Variants in MRC2 observed in about 807,000 individuals in gnomAD.
The protein encoded by MRC2 is mannose receptor C-type 2.
MRC2 carries 84 observed loss-of-function variants against 206.2 expected under a neutral mutation model. That is an observed-to-expected ratio of 0.41 (90% CI 0.34 to 0.49). The LOEUF is 0.49. MRC2 is among the 20% of genes least tolerant of loss of function. The probability of loss-of-function intolerance (pLI) is 0.31; values close to 1 mark genes in which losing one functional copy is unlikely to be tolerated. For missense variants in MRC2, 1,676 were observed against 2,001.5 expected, an observed-to-expected ratio of 0.84 and a Z score of 3.10; for synonymous variants, 798 against 800.0, an observed-to-expected ratio of 1.00 and a Z score of 0.04.
At chr17:62,630,584 A>G (rs1206870893) in intron 1 of MRC2, among the ~76,000 whole-genome samples, 2 of 152,170 alleles carry the variant, frequency 1.3e-5, no homozygotes, top group Non-Finnish European at 2.9e-5. Context: ...GGAGGCCAGA[A>G]TGGGGATGGG....
chr17:62,645,521 ATATATATTTTTTTTTTT>A lies in MRC2; in HGVS notation c.118+17603_118+17619del, dbSNP rs1201384310. 1.2e-3 allele frequency among the ~76,000 whole-genome samples: 54 copies of A among 45,552 alleles called. 1 individual carries two copies. The highest frequency in any genetic ancestry group is 0.017 in the Middle Eastern group (1 of 60). The allele number at this position is 45,552 out of a possible 152,430, so 29.9% of individuals were successfully genotyped here. On this transcript the variant is annotated intron_variant, in intron 1 of 29. Transcript: ENST00000303375. ...ATTATATATATATATATATATATAT[ATATATATTTTTTTTTTT>A]TTTTTTTTTTTTTGAGATGGAGTCT...
rs2084179520 is a variant in MRC2, at chr17:62,627,754, G to A, written c.-49G>A. On this transcript the variant is annotated 5_prime_UTR_variant, in exon 1 of 30. Coordinates refer to ENST00000303375, the MANE Select transcript of MRC2 (RefSeq NM_006039.5). Reference sequence around the variant, plus strand: ...AGCCTCGGGGCTGCCACAGCGCGTTGCGCCTGTGCGCCCTCGGTCCCCGCG... The same window carrying A: ...AGCCTCGGGGCTGCCACAGCGCGTTACGCCTGTGCGCCCTCGGTCCCCGCG... The A allele has an allele frequency of 7.5e-6, 10 of 1,324,720 alleles. No homozygotes were observed. Among genetic ancestry groups the A allele is most frequent in the African/African-American group, 1.6e-5 (1 of 64,404 alleles). The allele number at this position is 1,324,720 out of a possible 1,614,324, so 82.1% of individuals were successfully genotyped here.
intron 1 of MRC2, among the ~76,000 whole-genome samples, chr17:62,643,542 T>C (rs1431643822): frequency 6.6e-6 from 1 of 151,926 alleles, no homozygotes; most frequent in African/African-American, 2.4e-5. Context: ...CATATAAAAC[T>C]ATGAGAAAAA....
At chr17:62,661,205 A>G (rs1259254126) in intron 1 of MRC2, among the ~76,000 whole-genome samples, 1 of 152,250 alleles carries the variant, frequency 6.6e-6, no homozygotes, top group Non-Finnish European at 1.5e-5. Flanking sequence ...GGACCAGATC[A>G]TGTTAAATTG....
intron 1 of MRC2, among the ~76,000 whole-genome samples, chr17:62,655,783 C>T (rs961606167): frequency 6.6e-6 from 1 of 151,308 alleles, no homozygotes; most frequent in Admixed American, 6.6e-5. Flanking sequence ...TTCTATCACA[C>T]TTCATTTATC....
In MRC2 at chr17:62,689,619, G is replaced by A; in HGVS notation, c.3432G>A (p.Leu1144=). 1 of 1,602,980 alleles carries A rather than the reference G, an allele frequency of 6.2e-7. No individual in the cohort carries two copies. Among genetic ancestry groups the A allele is most frequent in the Non-Finnish European group, 8.5e-7 (1 of 1,175,170 alleles). Residue 1144 remains leucine (L), a synonymous_variant, in exon 24 of 30, where the codon CTG becomes CTA. Transcript: ENST00000303375. ...CCTTCCGGCTGCTTCAGAAGCCGCT[G>A]CGCTGGCACGATGCCCTCCTGCTGT... ...NGTFRLLQKP[L]RWHDALLLCE...
At chr17:62,674,201 G>A in intron 9 of MRC2, 31 bp downstream of exon 9, 1 of 1,491,740 alleles carries the variant, frequency 6.7e-7, no homozygotes, top group Non-Finnish European at 9.1e-7. Flanking sequence ...GCCCTGAGTG[G>A]GGCCACCTGT....
chr17:62,654,092 G>A (rs1014177531), intron 1 of MRC2, among the ~76,000 whole-genome samples: 60 of 152,096 alleles, frequency 3.9e-4, no homozygotes, highest in African/African-American at 1.4e-3. Context: ...CTTGGCTGGC[G>A]GCCCTTTCAG....
chr17:62,630,235 G>A (rs1462689842), intron 1 of MRC2, among the ~76,000 whole-genome samples: 1 of 152,204 alleles, frequency 6.6e-6, no homozygotes, highest in South Asian at 2.1e-4. Context: ...TGGGATGCCT[G>A]CCTGCCCAGA....
intron 1 of MRC2, among the ~76,000 whole-genome samples, chr17:62,642,636 G>T (rs1313866433): frequency 1.3e-5 from 2 of 152,044 alleles, no homozygotes; most frequent in African/African-American, 4.8e-5. Flanking sequence ...TAGTAGAGAT[G>T]GAGTTTCACC....
chr17:62,688,686 C>T (rs1477761091), intron 22 of MRC2, 22 bp downstream of exon 22: 1 of 1,611,462 alleles, frequency 6.2e-7, no homozygotes, highest in Non-Finnish European at 8.5e-7. Flanking sequence ...CTCCCTGTTC[C>T]CCTCCGCACC....
At position 62,680,116 on chromosome 17, in the gene MRC2, G is replaced by A; in HGVS notation, c.2299-54G>A. On this transcript the variant is annotated intron_variant, in intron 14 of 29. Coordinates refer to ENST00000303375, the MANE Select transcript of MRC2 (RefSeq NM_006039.5). This position sits in a 1 kb window ranked among gnomAD's most constrained non-coding sequence, Gnocchi z 4.8. ...CTTGTTCACCTGTTCCGGGCATGGG[G>A]GCGGCCTGCACCTTGCGCCTCACGT... 1 of 1,608,752 alleles carries A rather than the reference G, an allele frequency of 6.2e-7. No individual in the cohort carries two copies. Among genetic ancestry groups the A allele is most frequent in the South Asian group, 1.1e-5 (1 of 90,400 alleles).
intron 24 of MRC2, 51 bp from the exon 25 acceptor site, chr17:62,689,843 A>T: frequency 6.5e-7 from 1 of 1,550,376 alleles, no homozygotes; most frequent in Non-Finnish European, 8.7e-7. Flanking sequence ...CCTTATCCGC[A>T]CCCTATCCTG....
chr17:62,681,509 G>A, intron 18 of MRC2: 1 of 457,284 alleles, frequency 2.2e-6, no homozygotes, highest in Non-Finnish European at 3.9e-6. Flanking sequence ...ACCATGTACT[G>A]GGGGGCTTGA....
chr17:62,692,687 G>T lies in MRC2; in HGVS notation c.*236G>T. 1 of 498,294 alleles carries T rather than the reference G, an allele frequency of 2.0e-6. No homozygotes were observed. Among genetic ancestry groups the T allele is most frequent in the Non-Finnish European group, 3.7e-6 (1 of 273,886 alleles). The allele number at this position is 498,294 out of a possible 1,614,324, so 30.9% of individuals were successfully genotyped here. On this transcript the variant is annotated 3_prime_UTR_variant, in exon 30 of 30. Coordinates refer to ENST00000303375, the MANE Select transcript of MRC2 (RefSeq NM_006039.5). This position sits in a 1 kb window ranked among gnomAD's most constrained non-coding sequence, Gnocchi z 4.2. ...CGTTTCCCTTTCTGGGGGGGCCTGA[G>T]GTCTTGTCACCTGGTCCTGTGCCCC... is the stretch of plus-strand genomic sequence containing the variant.
At position 62,672,762 on chromosome 17, in the gene MRC2, C is replaced by T. The variant is rs1302644519; in HGVS notation, c.1461+610C>T. ...ATCCCAGCACATTGGGAGGCTGAGGCAGGCGGATCACTTGAGGTGAGGAGT... is the reference window on the plus strand; with the variant it reads ...ATCCCAGCACATTGGGAGGCTGAGGTAGGCGGATCACTTGAGGTGAGGAGT... On this transcript the variant is annotated intron_variant, in intron 8 of 29. Transcript: ENST00000303375. The surrounding 1 kb of genome is among the most constrained non-coding windows in gnomAD (Gnocchi z 4.5). Among the ~76,000 whole-genome samples, 1 of 152,152 alleles carries T rather than the reference C, an allele frequency of 6.6e-6. No individual in the cohort carries two copies. The highest frequency in any genetic ancestry group is 1.5e-5 in the Non-Finnish European group (1 of 68,030).
chr17:62,633,568 C>A (rs2088273083), intron 1 of MRC2, among the ~76,000 whole-genome samples: 1 of 148,398 alleles, frequency 6.7e-6, no homozygotes, highest in Non-Finnish European at 1.5e-5. Context: ...AAAACACAGT[C>A]TTCAATATAC....
intron 14 of MRC2, 25 bp downstream of exon 14, chr17:62,679,927 A>T (rs1055063315): frequency 6.3e-7 from 1 of 1,590,082 alleles, no homozygotes; most frequent in Non-Finnish European, 8.6e-7. Flanking sequence ...GGTACTTGGG[A>T]CTGCGAGGCC....
In MRC2 at chr17:62,679,872, T is replaced by A; in HGVS notation, c.2268T>A (p.Gly756=). ...IGLNRRDPRG[G]QSWRWSDGVG... is the part of the protein sequence containing the mutation. ...TGAACCGTCGGGATCCCAGAGGGGG[T>A]CAGAGTTGGCGCTGGAGCGACGGCG... The change falls in exon 14 of 30, where the codon GGT becomes GGA. Residue 756 remains glycine, a synonymous_variant. Transcript: ENST00000303375. The A allele has an allele frequency of 6.2e-7, 1 of 1,611,280 alleles. No homozygotes were observed. The highest frequency in any genetic ancestry group is 8.5e-7 in the Non-Finnish European group (1 of 1,179,380).
Sources: gnomAD v4.1 joint callset for allele counts (sites outside exome capture counted in the v4.1 genomes callset) on GRCh38, gnomAD v4.1.1 for gene constraint, Gnocchi (gnomAD v3.1) non-coding constraint, MANE v1.5 for transcripts, NCBI Gene and HGNC (gene_info 2026-07-23, HGNC 2026-07-21) for gene names.